PPARG: variants seen among roughly 807,000 people sequenced by gnomAD.
PPARG encodes peroxisome proliferator-activated receptor gamma.
In PPARG, 17 loss-of-function variants were observed where a neutral mutation model predicts 39.2. The ratio of observed to expected loss-of-function variants is 0.43; its 90% CI spans 0.30 to 0.65. PPARG has a LOEUF of 0.65. Among genes scored for constraint, PPARG ranks in the 30% least tolerant of loss-of-function variants. The pLI is 0.13. For synonymous variants in PPARG, 223 were observed against 215.7 expected, an observed-to-expected ratio of 1.03 and a Z score of -0.30; for missense variants, 406 against 585.9, an observed-to-expected ratio of 0.69 and a Z score of 3.17.
At chr3:12,342,841 A>G (rs2048223253) in intron 2 of PPARG, among the ~76,000 whole-genome samples, 1 of 152,108 alleles carries the variant, frequency 6.6e-6, no homozygotes, top group East Asian at 1.9e-4. Context: ...CAGATAGAAA[A>G]GCAGCAGTGT....
chr3:12,425,005 A>G (rs561775221), intron 7 of PPARG, among the ~76,000 whole-genome samples: 1 of 152,238 alleles, frequency 6.6e-6, no homozygotes, highest in African/African-American at 2.4e-5. Flanking sequence ...TGCCAGTCAC[A>G]TTGCTGGAAA....
intron 2 of PPARG, chr3:12,328,207 A>G: frequency 6.7e-7 from 1 of 1,486,526 alleles, no homozygotes; most frequent in Non-Finnish European, 9.3e-7. Context: ...AAAAAGTCCT[A>G]CCTGGAGCGG....
chr3:12,364,099 C>G lies in PPARG; in HGVS notation c.-8-15605C>G, dbSNP rs77995786. Among the ~76,000 whole-genome samples the G allele has an allele frequency of 1.1e-3, 160 of 152,188 alleles. 1 individual carries two copies. The highest frequency in any genetic ancestry group is 3.8e-3 in the African/African-American group (156 of 41,528). On this transcript the variant is annotated intron_variant, in intron 2 of 7. Coordinates refer to ENST00000651735, the MANE Select transcript of PPARG (RefSeq NM_138711.6). ...TCCATAGTCTACATTAAGATTCACT[C>G]TTCGTGTTATATTCTCTGGGTTTGT...
At chr3:12,376,530 A>G (rs2125161664) in intron 2 of PPARG, among the ~76,000 whole-genome samples, 1 of 152,290 alleles carries the variant, frequency 6.6e-6, no homozygotes, top group Non-Finnish European at 1.5e-5. Context: ...GTATGTATAT[A>G]CAGAAGAGAG....
chr3:12,393,073 CAG>C (rs987681750), intron 5 of PPARG, among the ~76,000 whole-genome samples: 7 of 151,792 alleles, frequency 4.6e-5, no homozygotes, highest in African/African-American at 1.5e-4. Flanking sequence ...GCATTAAAAA[CAG>C]AATTAAAATT....
At chr3:12,287,916 G>A (rs2124908199), upstream of PPARG, 1 of 145,696 alleles carries the variant, frequency 6.9e-6, no homozygotes, top group South Asian at 2.1e-4. Context: ...GGGCAGGCGG[G>A]GCCCAGCGCA....
At chr3:12,361,917 A>G (rs1033919827) in intron 2 of PPARG, among the ~76,000 whole-genome samples, 1 of 152,214 alleles carries the variant, frequency 6.6e-6, no homozygotes, top group African/African-American at 2.4e-5. Context: ...TTGGGAGATA[A>G]TTGAAAGCTT....
rs560643386 is a variant in PPARG at position 12,412,007 on chromosome 3, C to T, written c.730-4697C>T. ...GCACACATTTTTCCAAGCCAGTTTTCACTCTGACAGGGTTACCTCAAGTGA... is the reference window on the plus strand; with the variant it reads ...GCACACATTTTTCCAAGCCAGTTTTTACTCTGACAGGGTTACCTCAAGTGA... On this transcript the variant is annotated intron_variant, in intron 6 of 7. Coordinates refer to ENST00000651735, the MANE Select transcript of PPARG (RefSeq NM_138711.6). Among the ~76,000 whole-genome samples, 3 of 152,318 alleles carry T rather than the reference C, an allele frequency of 2.0e-5. No homozygotes were observed. In the South Asian group the frequency reaches 6.2e-4, roughly 32 times the overall value.
intron 1 of PPARG, among the ~76,000 whole-genome samples, chr3:12,292,745 T>G (rs2046677229): frequency 6.6e-6 from 1 of 152,128 alleles, no homozygotes; most frequent in African/African-American, 2.4e-5. Flanking sequence ...GCAAGCGGTG[T>G]CTTGGTGATG....
chr3:12,359,609 A>AT (rs1468505480), intron 2 of PPARG, among the ~76,000 whole-genome samples: 1 of 151,908 alleles, frequency 6.6e-6, no homozygotes, highest in Non-Finnish European at 1.5e-5. Context: ...AATAGGCCTT[A>AT]TATACAAGCC....
chr3:12,370,504 A>G (rs1370018084), intron 2 of PPARG, among the ~76,000 whole-genome samples: 1 of 152,240 alleles, frequency 6.6e-6, no homozygotes, highest in Non-Finnish European at 1.5e-5. Flanking sequence ...ATAAAAGGCA[A>G]ATATGCAGAG....
intron 3 of PPARG, 82 bp downstream of exon 3, chr3:12,380,013 C>T: frequency 2.5e-6 from 3 of 1,190,326 alleles, no homozygotes; most frequent in Non-Finnish European, 3.7e-6. Context: ...AAATAATGCT[C>T]CAGAGACTAG....
At position 12,407,955 on chromosome 3, in the gene PPARG, C is replaced by G. The variant is rs571412784; in HGVS notation, c.729+1874C>G. Among the ~76,000 whole-genome samples the G allele has an allele frequency of 2.6e-5, 4 of 152,264 alleles. No individual in the cohort carries two copies. The South Asian group carries it at 8.3e-4, about 32-fold the overall frequency. ...GCACCTGACTACTGCTATTATTATCCTCTTTATTTTAGAGATGAGGAAAAT... is the reference window on the plus strand; with the variant it reads ...GCACCTGACTACTGCTATTATTATCGTCTTTATTTTAGAGATGAGGAAAAT... On this transcript the variant is annotated intron_variant, in intron 6 of 7. Coordinates refer to ENST00000651735, the MANE Select transcript of PPARG (RefSeq NM_138711.6).
chr3:12,328,041 A>C, intron 2 of PPARG: 3 of 1,382,634 alleles, frequency 2.2e-6, no homozygotes, highest in Non-Finnish European at 3.1e-6. Flanking sequence ...AAAAGCATGC[A>C]CATCTTACAG....
chr3:12,368,760 C>CT (rs1395298270), intron 2 of PPARG, among the ~76,000 whole-genome samples: 1 of 152,130 alleles, frequency 6.6e-6, no homozygotes, highest in Non-Finnish European at 1.5e-5. Flanking sequence ...CTAAACAAAA[C>CT]TCAGGATACT....
chr3:12,354,846 G>A (rs1246063644), intron 2 of PPARG, among the ~76,000 whole-genome samples: 2 of 152,018 alleles, frequency 1.3e-5, no homozygotes, highest in African/African-American at 4.8e-5. Context: ...TTGCACAAGA[G>A]TAAGTGGCAG....
chr3:12,318,858 G>GT (rs35408322), intron 2 of PPARG, among the ~76,000 whole-genome samples: 13,237 of 149,644 alleles, frequency 0.088, 712 homozygotes, highest in South Asian at 0.13. Context: ...TACTGTTCTA[G>GT]TTTTTTTTTT....
At chr3:12,330,193 G>C (rs528730912) in intron 2 of PPARG, among the ~76,000 whole-genome samples, 1 of 149,924 alleles carries the variant, frequency 6.7e-6, no homozygotes, top group Non-Finnish European at 1.5e-5. Context: ...ATTCTGTTTT[G>C]CTTTTTAAGC....
intron 2 of PPARG, among the ~76,000 whole-genome samples, chr3:12,323,590 T>A (rs2047606916): frequency 6.6e-6 from 1 of 152,196 alleles, no homozygotes; most frequent in Non-Finnish European, 1.5e-5. Flanking sequence ...TTGTCCCTAT[T>A]TGACAGGTGA....
Sources: allele counts gnomAD v4.1 joint callset (sites outside exome capture counted in the v4.1 genomes callset), GRCh38; gene constraint gnomAD v4.1.1; transcripts MANE v1.5; gene names NCBI Gene and HGNC (gene_info 2026-07-23, HGNC 2026-07-21).